The following CCNY variants were observed in gnomAD, a reference collection of about 807,000 sequenced individuals.
The protein encoded by CCNY is cyclin-Y.
A neutral mutation model predicts 42.8 loss-of-function variants in CCNY; 19 were observed. The observed-to-expected ratio is 0.44, with a 90% confidence interval of 0.31 to 0.65. The LOEUF is 0.65. Among genes scored for constraint, CCNY ranks in the 30% least tolerant of loss-of-function variants. CCNY has a pLI of 0.07. For synonymous variants in CCNY, 165 were observed against 162.7 expected (o/e 1.01, Z -0.11); for missense variants, 370 against 437.3 (o/e 0.85, Z 1.37).
chr10:35,408,651 T>G (rs1837837249), intron 1 of CCNY, among the ~76,000 whole-genome samples: 1 of 152,164 alleles, frequency 6.6e-6, no homozygotes, highest in African/African-American at 2.4e-5. Flanking sequence ...TTAAGGCTCT[T>G]TTCACTTCTT....
At position 35,530,297 on chromosome 10, in the gene CCNY, C is replaced by T. The variant is rs974560559; in HGVS notation, c.579+54C>T. ...TCCCCAGCCGAGGTGGTCCAGGGCCCGTTCCTGTTACTCAGCGGAGTGAGG... is the reference window on the plus strand; with the variant it reads ...TCCCCAGCCGAGGTGGTCCAGGGCCTGTTCCTGTTACTCAGCGGAGTGAGG... On this transcript the variant is annotated intron_variant, in intron 7 of 9. Transcript: ENST00000374704. This position sits in a 1 kb window ranked among gnomAD's most constrained non-coding sequence, Gnocchi z 4.3. 1.9e-5 allele frequency: 30 copies of T among 1,609,348 alleles called. No individual in the cohort carries two copies. Among genetic ancestry groups the T allele is most frequent in the East Asian group, 2.2e-5 (1 of 44,766 alleles).
chr10:35,520,170 G>T (rs1267627549), intron 4 of CCNY, among the ~76,000 whole-genome samples: 1 of 152,090 alleles, frequency 6.6e-6, no homozygotes, highest in Non-Finnish European at 1.5e-5. Flanking sequence ...TCTCACACTT[G>T]GTGTAGCTAA....
chr10:35,425,238 T>G (rs150600913), intron 1 of CCNY, among the ~76,000 whole-genome samples: 1 of 152,234 alleles, frequency 6.6e-6, no homozygotes, highest in East Asian at 1.9e-4. Context: ...TTCATTTGAC[T>G]TACTCTTTGT....
chr10:35,269,636 G>GT (rs1166005756), intron 3 of CCNY, among the ~76,000 whole-genome samples: 150 of 99,738 alleles, frequency 1.5e-3, no homozygotes, highest in Middle Eastern at 6.9e-3. Context: ...TTTTTGTTTT[G>GT]TTTTTTTTTT....
rs116291800 is a variant in CCNY, at chr10:35,536,446, T to G, written c.579+6203T>G. On this transcript the variant is annotated intron_variant, in intron 7 of 9. Transcript: ENST00000374704. ...AGATACCCAAAAATATGGAAGTGAC[T>G]TTAGAATTGGGTAACAGACAGAGAT... is the stretch of plus-strand genomic sequence containing the variant. Among the ~76,000 whole-genome samples the G allele has an allele frequency of 7.6e-3, 1,160 of 152,244 alleles. 13 individuals are homozygous for G. The highest frequency in any genetic ancestry group is 0.027 in the African/African-American group (1,109 of 41,542).
intron 1 of CCNY, among the ~76,000 whole-genome samples, chr10:35,409,736 A>G (rs865845364): frequency 1.3e-5 from 2 of 152,200 alleles, no homozygotes; most frequent in African/African-American, 4.8e-5. Flanking sequence ...CCCCTATGTG[A>G]AAAAAGCAAT....
In CCNY at chr10:35,564,969, G is replaced by C. The variant is rs184913102; in HGVS notation, c.747-1054G>C. On this transcript the variant is annotated intron_variant, in intron 8 of 9. Coordinates refer to ENST00000374704, the MANE Select transcript of CCNY (RefSeq NM_145012.6). Reference sequence around the variant, plus strand: ...GCAAGGACAGGAGGTTTCCTGGAGGGTGTGCAGTGGGTGGGCACCCTGTGG... The same window carrying C: ...GCAAGGACAGGAGGTTTCCTGGAGGCTGTGCAGTGGGTGGGCACCCTGTGG... Among the ~76,000 whole-genome samples the C allele has an allele frequency of 5.4e-3, 830 of 152,322 alleles. 2 individuals carry two copies. The highest frequency in any genetic ancestry group is 0.019 in the African/African-American group (802 of 41,580).
chr10:35,308,806 C>A (rs1227747371), intron 3 of CCNY, among the ~76,000 whole-genome samples: 1 of 151,868 alleles, frequency 6.6e-6, no homozygotes, highest in Non-Finnish European at 1.5e-5. Flanking sequence ...AGAGTCGGGG[C>A]AAAAAGAACA....
intron 2 of CCNY, among the ~76,000 whole-genome samples, chr10:35,490,257 T>A (rs1325725866): frequency 6.6e-6 from 1 of 152,260 alleles, no homozygotes; most frequent in Non-Finnish European, 1.5e-5. Context: ...AAGCCAGGCA[T>A]CATAGTCAAT....
intron 1 of CCNY, among the ~76,000 whole-genome samples, chr10:35,418,123 G>A (rs1280330087): frequency 1.3e-5 from 2 of 152,216 alleles, no homozygotes; most frequent in Admixed American, 6.5e-5. Flanking sequence ...TTTTAGTGAA[G>A]GGCTGAGAGT....
At chr10:35,499,497 C>T (rs1840068303) in intron 2 of CCNY, among the ~76,000 whole-genome samples, 1 of 152,200 alleles carries the variant, frequency 6.6e-6, no homozygotes, top group African/African-American at 2.4e-5. Flanking sequence ...TATCAGCTTT[C>T]TTGGTCGGAC....
At chr10:35,452,234 C>T (rs986366643) in intron 1 of CCNY, among the ~76,000 whole-genome samples, 1 of 152,192 alleles carries the variant, frequency 6.6e-6, no homozygotes, top group African/African-American at 2.4e-5. Flanking sequence ...GTTTATACTG[C>T]ATTCCACACT....
At chr10:35,529,708 C>A (rs1430253026) in intron 5 of CCNY, among the ~76,000 whole-genome samples, 11 of 144,990 alleles carry the variant, frequency 7.6e-5, no homozygotes, top group Admixed American at 1.4e-4. Flanking sequence ...ACTAAAAATA[C>A]AAAAAAAAAA....
At chr10:35,285,806 G>GTGTTTT (rs3066489) in intron 3 of CCNY, among the ~76,000 whole-genome samples, 53,779 of 150,920 alleles carry the variant, frequency 0.36, 9,670 homozygotes, top group South Asian at 0.43. Context: ...TTGGATTTAG[G>GTGTTTT]TGTTTTTGTT....
intron 1 of CCNY, among the ~76,000 whole-genome samples, chr10:35,438,417 A>C (rs566039763): frequency 6.6e-6 from 1 of 152,060 alleles, no homozygotes; most frequent in Non-Finnish European, 1.5e-5. Context: ...CAGCCTTCCA[A>C]AGTGCCCAGG....
At chr10:35,400,591 A>G (rs1486810627) in intron 1 of CCNY, among the ~76,000 whole-genome samples, 1 of 152,208 alleles carries the variant, frequency 6.6e-6, no homozygotes, top group Non-Finnish European at 1.5e-5. Flanking sequence ...CTCCCAACTA[A>G]AAGAATTATC....
chr10:35,267,666 C>T (rs1412164971), intron 3 of CCNY, among the ~76,000 whole-genome samples: 1 of 152,172 alleles, frequency 6.6e-6, no homozygotes, highest in Non-Finnish European at 1.5e-5. Context: ...ACAGAAAACA[C>T]TGCTTCCAAG....
intron 1 of CCNY, among the ~76,000 whole-genome samples, chr10:35,353,729 C>T (rs564782045): frequency 2.0e-5 from 3 of 152,178 alleles, no homozygotes; most frequent in Admixed American, 2.0e-4. Flanking sequence ...AAAAGTTTCT[C>T]AAGAAGAAAT....
chr10:35,355,883 A>G (rs971929577), intron 1 of CCNY, among the ~76,000 whole-genome samples: 1 of 151,892 alleles, frequency 6.6e-6, no homozygotes, highest in Non-Finnish European at 1.5e-5. Context: ...TTATGCCATG[A>G]ACATCTGTCA....
Sources: gnomAD v4.1 joint callset for allele counts (sites outside exome capture counted in the v4.1 genomes callset) on GRCh38, gnomAD v4.1.1 for gene constraint, Gnocchi (gnomAD v3.1) non-coding constraint, MANE v1.5 for transcripts, NCBI Gene and HGNC (gene_info 2026-07-23, HGNC 2026-07-21) for gene names.